SPOCK1: variants seen among roughly 807,000 people sequenced by gnomAD.
SPOCK1 encodes the protein testican-1.
SPOCK1 carries 23 observed loss-of-function variants against 55.3 expected under a neutral mutation model. The observed-to-expected ratio is 0.42, with a 90% CI of 0.30 to 0.59. The LOEUF is 0.59. Among genes scored for constraint, SPOCK1 ranks in the 20% least tolerant of loss-of-function variants. SPOCK1 has a pLI of 0.22. For missense variants in SPOCK1, 499 were observed against 552.5 expected (o/e 0.90, Z 0.97); for synonymous variants, 226 against 221.0 (o/e 1.02, Z -0.20).
chr5:137,160,644 ATTTT>A (rs1754534076), intron 3 of SPOCK1, among the ~76,000 whole-genome samples: 2 of 96,812 alleles, frequency 2.1e-5, no homozygotes, highest in African/African-American at 4.0e-5. Flanking sequence ...TATAATATAT[ATTTT>A]ATATAATATA....
At chr5:137,462,393 C>T (rs960555108) in intron 2 of SPOCK1, among the ~76,000 whole-genome samples, 3 of 152,150 alleles carry the variant, frequency 2.0e-5, no homozygotes, top group Admixed American at 6.5e-5. Flanking sequence ...ACAGACAAGG[C>T]CATGGCTCAC....
intron 2 of SPOCK1, among the ~76,000 whole-genome samples, chr5:137,409,272 A>T (rs929171957): frequency 2.6e-5 from 4 of 152,240 alleles, no homozygotes; most frequent in Non-Finnish European, 5.9e-5. Flanking sequence ...CCTATTTGTT[A>T]TACCCTTCAT....
chr5:137,158,037 A>G (rs1754452790), intron 3 of SPOCK1, among the ~76,000 whole-genome samples: 1 of 152,178 alleles, frequency 6.6e-6, no homozygotes, highest in Non-Finnish European at 1.5e-5. Flanking sequence ...ACTCCAGCCT[A>G]GGCAGCAAGA....
At chr5:137,077,338 C>T (rs1327907640) in intron 5 of SPOCK1, among the ~76,000 whole-genome samples, 3 of 152,190 alleles carry the variant, frequency 2.0e-5, no homozygotes, top group African/African-American at 7.2e-5. Flanking sequence ...TTACAGGAAT[C>T]CTAGGAGGAC....
rs974013289 is a variant in SPOCK1, at chr5:136,992,386, A to G, written c.706+98T>C. On this transcript the variant is annotated intron_variant, in intron 7 of 10. Coordinates refer to ENST00000394945, the MANE Select transcript of SPOCK1 (RefSeq NM_004598.4). The stretch of plus-strand genomic sequence containing the variant: ...GGACATATTTAAAGTCAAAGTATAT[A>G]TTTAATGTAATGGGTGTTTTTCACC... 2.6e-5 allele frequency: 24 copies of G among 934,846 alleles called. 1 individual carries two copies. In the South Asian group the frequency reaches 3.1e-4, roughly 12 times the overall value. The allele number at this position is 934,846 out of a possible 1,614,324, so 57.9% of individuals were successfully genotyped here. A position where few individuals can be genotyped will look rare whatever the true frequency, so the allele number is the denominator to read the frequency against.
At chr5:136,979,195 A>G in intron 10 of SPOCK1, 137 bp downstream of exon 10, 1 of 1,282,688 alleles carries the variant, frequency 7.8e-7, no homozygotes, top group Non-Finnish European at 1.1e-6. Flanking sequence ...ATGTGATTTC[A>G]GGGTTACTAT....
chr5:137,414,403 G>A (rs1752285802), intron 2 of SPOCK1, among the ~76,000 whole-genome samples: 1 of 152,178 alleles, frequency 6.6e-6, no homozygotes, highest in South Asian at 2.1e-4. Flanking sequence ...GGGAAAAAAT[G>A]TATTTGTTAA....
chr5:137,413,066 G>A (rs998284909), intron 2 of SPOCK1, among the ~76,000 whole-genome samples: 3 of 152,006 alleles, frequency 2.0e-5, no homozygotes, highest in African/African-American at 7.2e-5. Flanking sequence ...TGGAGGTGCT[G>A]TATCAAAAAC....
chr5:137,486,700 C>T (rs569545720), intron 2 of SPOCK1, among the ~76,000 whole-genome samples: 2 of 152,328 alleles, frequency 1.3e-5, no homozygotes, highest in Admixed American at 6.5e-5. Context: ...CCAAAAAACA[C>T]ATGAAAAGGT....
chr5:137,064,125 C>T (rs1387761887), intron 6 of SPOCK1, among the ~76,000 whole-genome samples: 2 of 152,008 alleles, frequency 1.3e-5, no homozygotes, highest in African/African-American at 4.8e-5. Context: ...CACCACTGGC[C>T]TAACTGAAGA....
Position 137,405,230 on chromosome 5 carries a change from T to A in SPOCK1, c.186+93143A>T, listed in dbSNP as rs181975724. Among the ~76,000 whole-genome samples the A allele has an allele frequency of 3.9e-5, 6 of 152,272 alleles. No individual in the cohort carries two copies. The East Asian group carries it at 1.2e-3, about 29-fold the overall frequency. On this transcript the variant is annotated intron_variant, in intron 2 of 10. Transcript: ENST00000394945. Reference sequence around the variant, plus strand: ...CACTGTTTAGGTCAAGAAAGTGAAATCAACCTGAAATGATTTTGCAAGCAT... The same window carrying A: ...CACTGTTTAGGTCAAGAAAGTGAAAACAACCTGAAATGATTTTGCAAGCAT...
At chr5:137,055,837 T>G (rs1488760167) in intron 6 of SPOCK1, among the ~76,000 whole-genome samples, 1 of 152,010 alleles carries the variant, frequency 6.6e-6, no homozygotes, top group African/African-American at 2.4e-5. Flanking sequence ...ATCTTCCCAG[T>G]GCAGAGGAGC....
chr5:137,233,129 A>T (rs1233634611), intron 3 of SPOCK1, among the ~76,000 whole-genome samples: 1 of 152,220 alleles, frequency 6.6e-6, no homozygotes, highest in East Asian at 1.9e-4. Flanking sequence ...CATAGAAGAC[A>T]GTTTTTCCAT....
intron 2 of SPOCK1, among the ~76,000 whole-genome samples, chr5:137,389,211 G>T (rs372496912): frequency 2.6e-4 from 40 of 152,186 alleles, no homozygotes; most frequent in African/African-American, 8.9e-4. Context: ...TGTTGCACAA[G>T]ACTACCAGAA....
intron 2 of SPOCK1, among the ~76,000 whole-genome samples, chr5:137,346,484 A>T (rs11744203): frequency 0.035 from 5,310 of 152,356 alleles, 118 homozygotes; most frequent in Non-Finnish European, 0.051. Flanking sequence ...AAAGACCGAG[A>T]TAATCAGCCC....
intron 3 of SPOCK1, among the ~76,000 whole-genome samples, chr5:137,194,093 A>G (rs1176814226): frequency 1.3e-5 from 2 of 151,930 alleles, no homozygotes; most frequent in Non-Finnish European, 2.9e-5. Context: ...AATATTGCAC[A>G]CCTCACTCTG....
At chr5:137,107,424 C>T (rs1286964225) in intron 5 of SPOCK1, among the ~76,000 whole-genome samples, 1 of 152,194 alleles carries the variant, frequency 6.6e-6, no homozygotes, top group African/African-American at 2.4e-5. Context: ...GAGTCTATAT[C>T]ACACTCTCAA....
chr5:137,009,627 G>A (rs1272277144), intron 6 of SPOCK1, among the ~76,000 whole-genome samples: 1 of 152,172 alleles, frequency 6.6e-6, no homozygotes, highest in Non-Finnish European at 1.5e-5. Context: ...AGACTTGTTA[G>A]CTATAACCCA....
At chr5:137,463,939 T>C (rs976623718) in intron 2 of SPOCK1, among the ~76,000 whole-genome samples, 1 of 151,872 alleles carries the variant, frequency 6.6e-6, no homozygotes, top group African/African-American at 2.4e-5. Flanking sequence ...CAGAGCAAGA[T>C]TCCATCTCAA....
Sources: gnomAD v4.1 joint callset for allele counts (sites outside exome capture counted in the v4.1 genomes callset) on GRCh38, gnomAD v4.1.1 for gene constraint, MANE v1.5 for transcripts, NCBI Gene and HGNC (gene_info 2026-07-23, HGNC 2026-07-21) for gene names.